Variants in DPYS observed in about 807,000 individuals in gnomAD.
DPYS encodes the protein dihydropyrimidine amidohydrolase.
A neutral mutation model predicts 50.3 loss-of-function variants in DPYS; 39 were observed. That is an observed-to-expected ratio of 0.78 (90% confidence interval 0.60 to 1.01). DPYS has a LOEUF of 1.01. Ranked by LOEUF, DPYS falls within the 50% of genes least tolerant of loss-of-function variation. The pLI is 0.00. For missense variants in DPYS, 659 were observed against 680.9 expected, an observed-to-expected ratio of 0.97 and a Z score of 0.36; for synonymous variants, 245 against 250.7, an observed-to-expected ratio of 0.98 and a Z score of 0.22.
intron 7 of DPYS, among the ~76,000 whole-genome samples, chr8:104,399,288 C>T (rs1472503677): frequency 7.4e-5 from 3 of 40,370 alleles, no homozygotes; most frequent in Non-Finnish European, 1.1e-4. Context: ...GAGACTCCAT[C>T]TCAAAAAAAA....
chr8:104,462,858 C>G (rs890012143), intron 1 of DPYS, among the ~76,000 whole-genome samples: 1 of 152,172 alleles, frequency 6.6e-6, no homozygotes. Flanking sequence ...TATAGACCAA[C>G]AAAATGAAAT....
chr8:104,436,328 G>T (rs1813145409), intron 4 of DPYS, among the ~76,000 whole-genome samples: 1 of 152,112 alleles, frequency 6.6e-6, no homozygotes, highest in Non-Finnish European at 1.5e-5. Flanking sequence ...CTGAAAAATT[G>T]GCCAGGCACA....
intron 1 of DPYS, among the ~76,000 whole-genome samples, chr8:104,463,943 C>T (rs4734798): frequency 0.048 from 7,360 of 152,198 alleles, 224 homozygotes; most frequent in South Asian, 0.076. Context: ...CTTTATGAAG[C>T]CTCAGCTGTT....
At chr8:104,443,438 G>T (rs750358060) in intron 4 of DPYS, among the ~76,000 whole-genome samples, 13 of 152,142 alleles carry the variant, frequency 8.5e-5, no homozygotes, top group Admixed American at 5.9e-4. Flanking sequence ...ATACCATTTG[G>T]ATAATTGCTT....
chr8:104,390,785 C>T (rs1421180424), intron 8 of DPYS, among the ~76,000 whole-genome samples: 1 of 152,070 alleles, frequency 6.6e-6, no homozygotes, highest in Admixed American at 6.6e-5. Flanking sequence ...AGGTGTGAAC[C>T]ACCACACCTG....
chr8:104,397,356 T>C (rs1811628990), intron 7 of DPYS, among the ~76,000 whole-genome samples: 3 of 152,236 alleles, frequency 2.0e-5, no homozygotes, highest in African/African-American at 7.2e-5. Context: ...CTTCAGCACA[T>C]GCTAGGTGCT....
intron 7 of DPYS, among the ~76,000 whole-genome samples, chr8:104,398,497 T>C (rs762460262): frequency 3.3e-5 from 5 of 152,260 alleles, no homozygotes; most frequent in Non-Finnish European, 7.3e-5. Flanking sequence ...CATTCCCTTT[T>C]TGTTTAACTA....
At chr8:104,464,725 G>C (rs1317992281) in intron 1 of DPYS, among the ~76,000 whole-genome samples, 1 of 152,138 alleles carries the variant, frequency 6.6e-6, no homozygotes, top group African/African-American at 2.4e-5. Context: ...AAAGCATAAA[G>C]GCAATACACC....
intron 4 of DPYS, among the ~76,000 whole-genome samples, chr8:104,437,212 C>G (rs1813183056): frequency 6.6e-6 from 1 of 152,154 alleles, no homozygotes; most frequent in Non-Finnish European, 1.5e-5. Context: ...ATAAAGCCCT[C>G]TGAACATGCA....
At chr8:104,380,864 A>C in intron 9 of DPYS, 2 of 238,892 alleles carry the variant, frequency 8.4e-6, no homozygotes, top group South Asian at 1.5e-4. Context: ...TGACCATGAA[A>C]TTATACTCCC....
At chr8:104,410,882 T>A (rs185010689) in intron 7 of DPYS, among the ~76,000 whole-genome samples, 117 of 152,220 alleles carry the variant, frequency 7.7e-4, no homozygotes, top group African/African-American at 2.7e-3. Flanking sequence ...GACTCCACCA[T>A]CTGGATGGCT....
intron 7 of DPYS, among the ~76,000 whole-genome samples, chr8:104,415,416 A>G (rs1156404443): frequency 6.6e-6 from 1 of 152,172 alleles, no homozygotes; most frequent in African/African-American, 2.4e-5. Flanking sequence ...AATTTGGGGG[A>G]AAATGCAGTT....
At chr8:104,445,841 C>T (rs570660871) in intron 3 of DPYS, among the ~76,000 whole-genome samples, 6 of 152,026 alleles carry the variant, frequency 3.9e-5, no homozygotes, top group South Asian at 2.1e-4. Context: ...GTCAGGAGAT[C>T]GAGACCATCC....
intron 1 of DPYS, among the ~76,000 whole-genome samples, chr8:104,459,782 G>A (rs1016618706): frequency 6.6e-6 from 1 of 152,184 alleles, no homozygotes; most frequent in Non-Finnish European, 1.5e-5. Context: ...AGACTTGGAA[G>A]CTGACACCAT....
At chr8:104,462,874 T>A (rs989300061) in intron 1 of DPYS, among the ~76,000 whole-genome samples, 1 of 152,288 alleles carries the variant, frequency 6.6e-6, no homozygotes, top group Non-Finnish European at 1.5e-5. Context: ...GAAATATGAT[T>A]TCTTTAAAGC....
chr8:104,399,875 A>AAG (rs1285921001), intron 7 of DPYS, among the ~76,000 whole-genome samples: 1 of 150,668 alleles, frequency 6.6e-6, no homozygotes, highest in Non-Finnish European at 1.5e-5. Context: ...TCAAAAAAAA[A>AAG]AAAAAAAAAA....
chr8:104,454,793 G>A (rs1813867893), intron 1 of DPYS, among the ~76,000 whole-genome samples: 1 of 152,198 alleles, frequency 6.6e-6, no homozygotes, highest in African/African-American at 2.4e-5. Flanking sequence ...ATTCAGAGGA[G>A]AGAAAGATCA....
intron 4 of DPYS, among the ~76,000 whole-genome samples, chr8:104,435,323 C>T (rs899179568): frequency 6.6e-6 from 1 of 152,082 alleles, no homozygotes; most frequent in African/African-American, 2.4e-5. Context: ...CAACTTCACA[C>T]TTGGGCTATG....
chr8:104,451,134 C>A (rs775161138), intron 2 of DPYS, 112 bp downstream of exon 2: 2 of 1,367,600 alleles, frequency 1.5e-6, no homozygotes, highest in South Asian at 1.2e-5. Context: ...AGTCTTCCTG[C>A]CAGTTCTGTC....
Sources: allele counts gnomAD v4.1 joint callset (sites outside exome capture counted in the v4.1 genomes callset), GRCh38; gene constraint gnomAD v4.1.1; transcripts MANE v1.5; gene names NCBI Gene and HGNC (gene_info 2026-07-23, HGNC 2026-07-21).